CDC14B: variants seen among roughly 807,000 people sequenced by gnomAD.
The protein encoded by CDC14B is cell division cycle 14B.
A neutral mutation model predicts 64.2 loss-of-function variants in CDC14B; 22 were observed. That is an observed-to-expected ratio of 0.34 (90% CI 0.24 to 0.49). The LOEUF is 0.49. Among genes scored for constraint, CDC14B ranks in the 20% least tolerant of loss-of-function variants. The pLI, the probability that CDC14B is intolerant of heterozygous loss-of-function variation, is 0.99. For missense variants in CDC14B, 498 were observed against 629.9 expected, an observed-to-expected ratio of 0.79 and a Z score of 2.24; for synonymous variants, 191 against 215.8, an observed-to-expected ratio of 0.89 and a Z score of 1.01.
At chr9:96,601,334 T>C (rs1044669396) in intron 1 of CDC14B, among the ~76,000 whole-genome samples, 6 of 151,816 alleles carry the variant, frequency 4.0e-5, no homozygotes, top group African/African-American at 1.5e-4. Flanking sequence ...CCGTCTCTAC[T>C]AAAAATAGAA....
intron 3 of CDC14B, among the ~76,000 whole-genome samples, chr9:96,563,580 G>T (rs879751913): frequency 6.6e-5 from 10 of 151,522 alleles, no homozygotes; most frequent in Non-Finnish European, 1.3e-4. Context: ...AACCAGGGGG[G>T]TGGAGGTTAT....
chr9:96,612,689 T>G (rs574962162), intron 1 of CDC14B, among the ~76,000 whole-genome samples: 18 of 152,366 alleles, frequency 1.2e-4, no homozygotes, highest in African/African-American at 4.3e-4. Context: ...TTACTCTATA[T>G]GCTAGTTCTC....
intron 7 of CDC14B, among the ~76,000 whole-genome samples, chr9:96,535,120 A>C (rs1351520877): frequency 6.6e-6 from 1 of 152,312 alleles, no homozygotes; most frequent in African/African-American, 2.4e-5. Context: ...CAGCCTGACC[A>C]ACATGGAGAA....
intron 1 of CDC14B, among the ~76,000 whole-genome samples, chr9:96,580,756 G>A (rs1372472446): frequency 6.6e-6 from 1 of 151,918 alleles, no homozygotes; most frequent in African/African-American, 2.4e-5. Flanking sequence ...CATTAATATG[G>A]GAATAATTAA....
chr9:96,613,963 G>A (rs1330636918), intron 1 of CDC14B, among the ~76,000 whole-genome samples: 1 of 152,070 alleles, frequency 6.6e-6, no homozygotes, highest in Non-Finnish European at 1.5e-5. Flanking sequence ...ATCTTAAAAA[G>A]GAAGGAGGGA....
Position 96,618,394 on chromosome 9 carries a change from C to A in CDC14B, c.160+825G>T, listed in dbSNP as rs1025718794. On this transcript the variant is annotated intron_variant, in intron 1 of 13. Coordinates refer to ENST00000375241, the MANE Select transcript of CDC14B (RefSeq NM_033331.4). ...TTAATGCCTTCACACGCGTCACTGT[C>A]AATCCCAGCAAACCTAACAGCTGCC... The A allele has an allele frequency of 8.8e-5, 42 of 477,242 alleles. No individual in the cohort carries two copies. The East Asian group carries it at 2.4e-3, about 28-fold the overall frequency. 29.6% of individuals were successfully genotyped at this position (477,242 alleles called of 1,614,324 possible).
At chr9:96,607,859 T>G (rs1017008056) in intron 1 of CDC14B, among the ~76,000 whole-genome samples, 1 of 151,844 alleles carries the variant, frequency 6.6e-6, no homozygotes, top group Admixed American at 6.6e-5. Flanking sequence ...ACCACACAAC[T>G]GCCACCACAG....
chr9:96,535,777 T>C (rs1332125442), intron 7 of CDC14B, among the ~76,000 whole-genome samples: 1 of 138,132 alleles, frequency 7.2e-6, no homozygotes, highest in African/African-American at 3.5e-5. Flanking sequence ...TGTTCCATAA[T>C]ACAAAGGTCT....
In CDC14B at chr9:96,564,648, T is replaced by C. The variant is rs16905626; in HGVS notation, c.327+129A>G. The stretch of plus-strand genomic sequence containing the variant: ...ATGATCTTATAAAACAAGAAAACCA[T>C]GTGCATGTCCCAAACACCACTGCAG... On this transcript the variant is annotated intron_variant, in intron 3 of 13. Transcript: ENST00000375241. 5.2e-4 allele frequency: 280 copies of C among 539,870 alleles called. 2 individuals are homozygous for C. The South Asian group carries it at 6.8e-3, about 13-fold the overall frequency. 33.4% of individuals were successfully genotyped at this position (539,870 alleles called of 1,614,324 possible). A position where few individuals can be genotyped will look rare whatever the true frequency, so the allele number is the denominator to read the frequency against.
chr9:96,610,633 A>G (rs1257693174), intron 1 of CDC14B, among the ~76,000 whole-genome samples: 1 of 149,074 alleles, frequency 6.7e-6, no homozygotes, highest in Non-Finnish European at 1.5e-5. Context: ...AATGTCTAGA[A>G]AGAACTAAAT....
chr9:96,589,390 G>A (rs1409139178), intron 1 of CDC14B, among the ~76,000 whole-genome samples: 3 of 150,584 alleles, frequency 2.0e-5, no homozygotes, highest in Admixed American at 6.6e-5. Context: ...TGTTTAACTT[G>A]AATGAATATG....
chr9:96,596,927 T>C (rs555277636), intron 1 of CDC14B, among the ~76,000 whole-genome samples: 2 of 149,954 alleles, frequency 1.3e-5, no homozygotes, highest in East Asian at 3.9e-4. Context: ...AATAAGCAGA[T>C]AATTATATGT....
Position 96,501,046 on chromosome 9 carries a change from G to A in CDC14B, c.*2707C>T, listed in dbSNP as rs1021740282. 3.9e-5 allele frequency: 6 copies of A among 152,348 alleles called. No individual in the cohort carries two copies. Among genetic ancestry groups the A allele is most frequent in the African/African-American group, 1.4e-4 (6 of 41,464 alleles). 9.4% of individuals were successfully genotyped at this position (152,348 alleles called of 1,614,324 possible). A position where few individuals can be genotyped will look rare whatever the true frequency, so the allele number is the denominator to read the frequency against. ...CTAGGGGCATCAAGCTCAGAACAGG[G>A]GAATTCTGGAGGCCGCAGAGCTGCG... On this transcript the variant is annotated 3_prime_UTR_variant, in exon 14 of 14. Transcript: ENST00000375241.
intron 2 of CDC14B, 48 bp from the exon 3 acceptor site, chr9:96,564,900 A>G: frequency 8.0e-7 from 1 of 1,248,536 alleles, no homozygotes; most frequent in Non-Finnish European, 1.1e-6. Context: ...AGATGCTCTG[A>G]ATATAAATGC....
intron 3 of CDC14B, 100 bp from the exon 4 acceptor site, chr9:96,562,885 C>A: frequency 1.3e-6 from 1 of 782,272 alleles, no homozygotes; most frequent in South Asian, 1.6e-5. Context: ...CATAACCATT[C>A]ATATTATTAG....
intron 1 of CDC14B, among the ~76,000 whole-genome samples, chr9:96,571,244 C>T (rs1844452615): frequency 1.3e-5 from 2 of 151,160 alleles, no homozygotes; most frequent in South Asian, 4.2e-4. Context: ...GGCGCAATCT[C>T]AGCTCACTGC....
chr9:96,549,150 T>C (rs1841424979), intron 5 of CDC14B, among the ~76,000 whole-genome samples: 5 of 152,160 alleles, frequency 3.3e-5, no homozygotes, highest in Admixed American at 2.6e-4. Flanking sequence ...TGAAATGCAA[T>C]AGTACTATAC....
Position 96,503,794 on chromosome 9 carries a change from A to AG in CDC14B, c.1461-6dup, listed in dbSNP as rs1167527428. ...TTAGTCCTTGAAATGGAGAGACTAC[A>AG]GGGGGAAAAAAAAGGATTTTTACCA... On this transcript the variant is annotated splice_region_variant and splice_polypyrimidine_tract_variant and intron_variant, in intron 13 of 13. Transcript: ENST00000375241. The AG allele has an allele frequency of 3.7e-6, 6 of 1,612,260 alleles. No individual in the cohort carries two copies. The highest frequency in any genetic ancestry group is 1.7e-5 in the Admixed American group (1 of 59,664).
chr9:96,527,091 T>C (rs186014360), intron 9 of CDC14B, among the ~76,000 whole-genome samples: 32 of 152,338 alleles, frequency 2.1e-4, no homozygotes, highest in Admixed American at 8.5e-4. Flanking sequence ...TCACTGAACA[T>C]GTTTAAGACA....
Sources: allele counts gnomAD v4.1 joint callset (sites outside exome capture counted in the v4.1 genomes callset), GRCh38; gene constraint gnomAD v4.1.1; transcripts MANE v1.5; gene names NCBI Gene and HGNC (gene_info 2026-07-23, HGNC 2026-07-21).